The following ADGB variants were observed in gnomAD, a reference collection of about 807,000 sequenced individuals.
ADGB encodes androglobin.
A neutral mutation model predicts 210.5 loss-of-function variants in ADGB; 172 were observed. The ratio of observed to expected loss-of-function variants is 0.82; its 90% CI spans 0.72 to 0.93. The LOEUF is 0.93. Among genes scored for constraint, ADGB ranks in the 40% least tolerant of loss-of-function variants. ADGB has a pLI of 0.00. For missense variants in ADGB, 2,025 were observed against 1,964.8 expected (o/e 1.03, Z -0.58); for synonymous variants, 658 against 662.7 (o/e 0.99, Z 0.11).
chr6:146,719,024 A>G (rs1365917238), intron 16 of ADGB, among the ~76,000 whole-genome samples: 1 of 152,210 alleles, frequency 6.6e-6, no homozygotes, highest in Non-Finnish European at 1.5e-5. Context: ...GCATATTTCC[A>G]TATTTAAACT....
intron 7 of ADGB, among the ~76,000 whole-genome samples, chr6:146,668,749 C>T (rs779018056): frequency 9.9e-5 from 15 of 151,934 alleles, no homozygotes; most frequent in Non-Finnish European, 1.9e-4. Flanking sequence ...AAACAAGAGA[C>T]GAGAATAATT....
At chr6:146,747,760 T>A (rs948843534) in intron 26 of ADGB, among the ~76,000 whole-genome samples, 2 of 130,070 alleles carry the variant, frequency 1.5e-5, no homozygotes, top group Non-Finnish European at 3.4e-5. Flanking sequence ...TATGCATGTG[T>A]ATATACATAT....
intron 13 of ADGB, among the ~76,000 whole-genome samples, chr6:146,702,759 A>G (rs1179690428): frequency 1.3e-5 from 2 of 151,914 alleles, no homozygotes; most frequent in Non-Finnish European, 1.5e-5. Context: ...ATCAATCTCT[A>G]TAGATGAAAT....
intron 1 of ADGB, among the ~76,000 whole-genome samples, chr6:146,617,200 T>C (rs750759181): frequency 6.6e-6 from 1 of 152,100 alleles, no homozygotes. Flanking sequence ...TTATTGTCTT[T>C]TAGCTATTAT....
intron 28 of ADGB, 38 bp from the exon 29 acceptor site, chr6:146,768,982 G>C (rs746670756): frequency 9.5e-6 from 11 of 1,158,202 alleles, no homozygotes; most frequent in Non-Finnish European, 1.2e-5. Context: ...TACCATGTAT[G>C]TTCTTATCAT....
intron 27 of ADGB, among the ~76,000 whole-genome samples, chr6:146,753,360 C>T (rs1777355007): frequency 6.6e-6 from 1 of 151,994 alleles, no homozygotes; most frequent in Non-Finnish European, 1.5e-5. Context: ...TCCGTTTTTG[C>T]ACTTAGATTT....
At chr6:146,759,127 T>C (rs1777451822) in intron 27 of ADGB, among the ~76,000 whole-genome samples, 1 of 151,900 alleles carries the variant, frequency 6.6e-6, no homozygotes, top group Non-Finnish European at 1.5e-5. Context: ...AAAATCTGTG[T>C]GTGTGTCTTT....
At chr6:146,781,141 C>A (rs1160752380) in intron 29 of ADGB, among the ~76,000 whole-genome samples, 5 of 135,698 alleles carry the variant, frequency 3.7e-5, no homozygotes, top group African/African-American at 1.1e-4. Flanking sequence ...TCCTGGCTAA[C>A]ACGGTGAAAC....
rs543963943 is a variant in ADGB, at chr6:146,665,096, G to A, written c.752+756G>A. Among the ~76,000 whole-genome samples the A allele has an allele frequency of 3.9e-5, 6 of 152,108 alleles. No individual in the cohort carries two copies. The South Asian group carries it at 6.2e-4, about 16-fold the overall frequency. Reference sequence around the variant, plus strand: ...TTGCACAGGCTGGGATTTTATACACGTCCACCTCCTGCAGTTTGTCAAAGA... The same window carrying A: ...TTGCACAGGCTGGGATTTTATACACATCCACCTCCTGCAGTTTGTCAAAGA... On this transcript the variant is annotated intron_variant, in intron 6 of 35. Transcript: ENST00000397944.
At chr6:146,733,053 AT>A in intron 20 of ADGB, 66 bp from the exon 21 acceptor site, 1 of 1,210,000 alleles carries the variant, frequency 8.3e-7, no homozygotes. Context: ...GTATCTAAAA[AT>A]TTTTTAGAGC....
At chr6:146,770,988 A>T (rs1777642576) in intron 29 of ADGB, among the ~76,000 whole-genome samples, 1 of 152,102 alleles carries the variant, frequency 6.6e-6, no homozygotes, top group Non-Finnish European at 1.5e-5. Flanking sequence ...AGCCCAGCAC[A>T]CTGAGAATGT....
intron 26 of ADGB, among the ~76,000 whole-genome samples, 191 bp from the exon 27 acceptor site, chr6:146,752,339 A>T (rs1777335140): frequency 6.6e-6 from 1 of 152,056 alleles, no homozygotes; most frequent in Admixed American, 6.6e-5. Context: ...CACCAAGTAG[A>T]TGGTGCTAAA....
intron 1 of ADGB, among the ~76,000 whole-genome samples, chr6:146,621,327 C>T (rs951902390): frequency 7.2e-5 from 11 of 152,208 alleles, no homozygotes; most frequent in Admixed American, 5.9e-4. Context: ...CACAAAGTAG[C>T]TGCCAAAATC....
chr6:146,775,772 A>G (rs2114637794), intron 29 of ADGB, among the ~76,000 whole-genome samples: 1 of 152,088 alleles, frequency 6.6e-6, no homozygotes, highest in African/African-American at 2.4e-5. Context: ...TAGCCAATTC[A>G]AGGTCTTTGA....
At chr6:146,761,303 C>T (rs1397719130) in intron 27 of ADGB, among the ~76,000 whole-genome samples, 1 of 151,710 alleles carries the variant, frequency 6.6e-6, no homozygotes, top group Non-Finnish European at 1.5e-5. Flanking sequence ...ATCTTTATTC[C>T]CATGTAGATA....
At chr6:146,682,529 A>G (rs80054511) in intron 9 of ADGB, among the ~76,000 whole-genome samples, 1,959 of 152,208 alleles carry the variant, frequency 0.013, 34 homozygotes, top group African/African-American at 0.045. Context: ...ATTATTAAGC[A>G]TTATTATATG....
Position 146,651,621 on chromosome 6 carries a change from G to A in ADGB, c.331-2514G>A, listed in dbSNP as rs578019728. On this transcript the variant is annotated intron_variant, in intron 3 of 35. Coordinates refer to ENST00000397944, the MANE Select transcript of ADGB (RefSeq NM_024694.4). ...TATTTGCCCATCTGCAGCTCTTGTT[G>A]ATATCATTGATATCATCTTGACTTT... Among the ~76,000 whole-genome samples, 13 of 152,214 alleles carry A rather than the reference G, an allele frequency of 8.5e-5. No individual in the cohort carries two copies. In the East Asian group the frequency reaches 1.9e-3, roughly 23 times the overall value.
intron 5 of ADGB, among the ~76,000 whole-genome samples, chr6:146,662,093 G>A (rs762428220): frequency 6.6e-6 from 1 of 152,004 alleles, no homozygotes; most frequent in East Asian, 1.9e-4. Flanking sequence ...GTTGGAATTC[G>A]ATCTGTCTGG....
intron 9 of ADGB, among the ~76,000 whole-genome samples, chr6:146,680,742 T>C (rs1471172107): frequency 6.6e-6 from 1 of 152,136 alleles, no homozygotes; most frequent in Non-Finnish European, 1.5e-5. Flanking sequence ...ATATTTCAAA[T>C]AAGAAATGAG....
Sources: gnomAD v4.1 joint callset for allele counts (sites outside exome capture counted in the v4.1 genomes callset) on GRCh38, gnomAD v4.1.1 for gene constraint, MANE v1.5 for transcripts, NCBI Gene and HGNC (gene_info 2026-07-23, HGNC 2026-07-21) for gene names.